Variants in RHOBTB3 observed in about 807,000 individuals in gnomAD.
RHOBTB3 encodes Rho related BTB domain containing 3, also known as rho-related BTB domain-containing protein 3.
RHOBTB3 carries 47 observed loss-of-function variants against 67.2 expected under a neutral mutation model. That is an observed-to-expected ratio of 0.70 (90% CI 0.55 to 0.89). The LOEUF is 0.89. Among genes scored for constraint, RHOBTB3 ranks in the 40% least tolerant of loss-of-function variants. The pLI, the probability that RHOBTB3 is intolerant of heterozygous loss-of-function variation, is 0.00. For synonymous variants in RHOBTB3, 273 were observed against 274.2 expected, an observed-to-expected ratio of 1.00 and a Z score of 0.04; for missense variants, 631 against 750.0, an observed-to-expected ratio of 0.84 and a Z score of 1.85.
chr5:95,718,292 A>AGGGGAAGT (rs1754745670), intron 1 of RHOBTB3, among the ~76,000 whole-genome samples: 1 of 152,206 alleles, frequency 6.6e-6, no homozygotes, highest in African/African-American at 2.4e-5. Context: ...GGGAGAAGAA[A>AGGGGAAGT]GGGGAAGTAG....
rs531426827 is a variant in RHOBTB3, at chr5:95,735,301, A to G, written c.229-1588A>G. Among the ~76,000 whole-genome samples, 5 of 149,146 alleles carry G rather than the reference A, an allele frequency of 3.4e-5. No homozygotes were observed. The South Asian group carries it at 8.5e-4, about 25-fold the overall frequency. On this transcript the variant is annotated intron_variant, in intron 2 of 11. Coordinates refer to ENST00000379982, the MANE Select transcript of RHOBTB3 (RefSeq NM_014899.4). ...GGTTCTTTTACCTCCCTTCAAAAAT[A>G]CTGTACACATCCCAGTTTTGATAGG...
chr5:95,742,440 G>A (rs944382476), intron 3 of RHOBTB3, among the ~76,000 whole-genome samples: 4 of 152,062 alleles, frequency 2.6e-5, no homozygotes, highest in Non-Finnish European at 5.9e-5. Context: ...TCTTTCTTTA[G>A]GTCTAGGAAA....
At chr5:95,763,337 C>T (rs546944928) in intron 6 of RHOBTB3, among the ~76,000 whole-genome samples, 171 bp from the exon 7 acceptor site, 185 of 152,056 alleles carry the variant, frequency 1.2e-3, no homozygotes, top group African/African-American at 4.3e-3. Context: ...TTAAACTGAT[C>T]GTTTTGAAAT....
At chr5:95,761,070 T>G (rs1012949461) in intron 6 of RHOBTB3, among the ~76,000 whole-genome samples, 2 of 152,236 alleles carry the variant, frequency 1.3e-5, no homozygotes, top group African/African-American at 4.8e-5. Flanking sequence ...CTGCTACTGA[T>G]TCCATCTATT....
chr5:95,752,583 C>T (rs1475005871), intron 5 of RHOBTB3, among the ~76,000 whole-genome samples: 1 of 152,132 alleles, frequency 6.6e-6, no homozygotes, highest in Non-Finnish European at 1.5e-5. Flanking sequence ...AAAATTGAGC[C>T]TATAGATCCT....
At chr5:95,752,416 T>C in intron 5 of RHOBTB3, 66 bp downstream of exon 5, 1 of 1,041,826 alleles carries the variant, frequency 9.6e-7, no homozygotes, top group South Asian at 1.4e-5. Context: ...CTCACAGGTC[T>C]TAGAGCAATT....
intron 8 of RHOBTB3, chr5:95,770,533 T>C: frequency 2.7e-6 from 1 of 372,886 alleles, no homozygotes; most frequent in Non-Finnish European, 5.4e-6. Flanking sequence ...TTGGGGGTTT[T>C]GTGAATATGG....
chr5:95,793,348 G>A lies in RHOBTB3; in HGVS notation c.*174G>A. Reference sequence around the variant, plus strand: ...AAAAACTACCACTGTGGTCTTAAAAGGGAACAAAATATACCATAGGCTAAA... The same window carrying A: ...AAAAACTACCACTGTGGTCTTAAAAAGGAACAAAATATACCATAGGCTAAA... On this transcript the variant is annotated 3_prime_UTR_variant, in exon 12 of 12. Transcript: ENST00000379982. 4.1e-6 allele frequency: 2 copies of A among 487,232 alleles called. No homozygotes were observed. The highest frequency in any genetic ancestry group is 3.9e-5 in the Admixed American group (1 of 25,606). The allele number at this position is 487,232 out of a possible 1,614,324, so 30.2% of individuals were successfully genotyped here.
At chr5:95,731,753 T>C in intron 1 of RHOBTB3, 69 bp downstream of exon 1, 2 of 1,606,946 alleles carry the variant, frequency 1.2e-6, no homozygotes, top group Admixed American at 3.4e-5. Context: ...GGACAGGGGC[T>C]GGTGCCCATC....
rs186508280 is a variant in RHOBTB3, at chr5:95,793,257, C to T, written c.*83C>T. On this transcript the variant is annotated 3_prime_UTR_variant, in exon 12 of 12. Coordinates refer to ENST00000379982, the MANE Select transcript of RHOBTB3 (RefSeq NM_014899.4). Reference sequence around the variant, plus strand: ...CAGGTTCCAGTAAAATTCTTCTGACCGAAACCAATGTGGGTGTTAGAAAAA... The same window carrying T: ...CAGGTTCCAGTAAAATTCTTCTGACTGAAACCAATGTGGGTGTTAGAAAAA... 3.2e-5 allele frequency: 28 copies of T among 865,566 alleles called. No homozygotes were observed. The highest frequency in any genetic ancestry group is 1.2e-4 in the African/African-American group (7 of 57,344). The allele number at this position is 865,566 out of a possible 1,614,324, so 53.6% of individuals were successfully genotyped here. A position where few individuals can be genotyped will look rare whatever the true frequency, so the allele number is the denominator to read the frequency against.
intron 1 of RHOBTB3, among the ~76,000 whole-genome samples, chr5:95,721,693 T>TAAAAAA (rs58596325): frequency 7.6e-6 from 1 of 132,202 alleles, no homozygotes; most frequent in Non-Finnish European, 1.6e-5. Flanking sequence ...CTGAGAGCAT[T>TAAAAAA]AAAAAAAAAA....
chr5:95,758,631 T>TCTGG (rs1745313818), intron 6 of RHOBTB3, among the ~76,000 whole-genome samples: 1 of 152,228 alleles, frequency 6.6e-6, no homozygotes, highest in Admixed American at 6.5e-5. Context: ...GTCCCATTAC[T>TCTGG]CTGGCGATCA....
chr5:95,792,399 AAAAGAAAAG>A (rs780313119), intron 11 of RHOBTB3, among the ~76,000 whole-genome samples: 39 of 52,936 alleles, frequency 7.4e-4, no homozygotes, highest in Middle Eastern at 9.8e-3. Flanking sequence ...AAAAAAAAAA[AAAAGAAAAG>A]AAAAGAAAAG....
Position 95,749,486 on chromosome 5 carries a change from C to T in RHOBTB3, c.570+999C>T, listed in dbSNP as rs143250224. The stretch of plus-strand genomic sequence containing the variant: ...ATAATATAAAGAAACATTAATATTA[C>T]AATGTTAAAGAAGATATACTCACAA... On this transcript the variant is annotated intron_variant, in intron 4 of 11. Coordinates refer to ENST00000379982, the MANE Select transcript of RHOBTB3 (RefSeq NM_014899.4). 1.2e-4 allele frequency among the ~76,000 whole-genome samples: 18 copies of T among 152,180 alleles called. No homozygotes were observed. The East Asian group carries it at 3.3e-3, about 28-fold the overall frequency.
At chr5:95,749,069 A>C (rs995678270) in intron 4 of RHOBTB3, among the ~76,000 whole-genome samples, 1 of 152,238 alleles carries the variant, frequency 6.6e-6, no homozygotes, top group African/African-American at 2.4e-5. Flanking sequence ...TGATGTTAAC[A>C]CATAGCACCT....
At chr5:95,763,665 T>A in intron 7 of RHOBTB3, 45 bp downstream of exon 7, 1 of 1,061,236 alleles carries the variant, frequency 9.4e-7, no homozygotes, top group Non-Finnish European at 1.5e-6. Context: ...CCCTCTGAAT[T>A]ATAACTCACA....
rs1403169469 is a variant in RHOBTB3, at chr5:95,793,107, A to G, written c.1769A>G (p.Tyr590Cys). 1.1e-5 allele frequency: 17 copies of G among 1,613,772 alleles called. No homozygotes were observed. Among genetic ancestry groups the G allele is most frequent in the Non-Finnish European group, 1.4e-5 (17 of 1,179,878 alleles). The change falls in exon 12 of 12, where the codon TAC (tyrosine) becomes TGC (cysteine). Residue 590 changes from tyrosine to cysteine, a missense_variant. By Grantham distance (194) the Tyr-to-Cys change is radical. Transcript: ENST00000379982. ...VEKHRWPSNM[Y>C]LKQLAEYRKY... ...AAGCACAGATGGCCGTCGAATATGTACTTGAAGCAGCTTGCGGAATACAGG... is the reference window on the plus strand; with the variant it reads ...AAGCACAGATGGCCGTCGAATATGTGCTTGAAGCAGCTTGCGGAATACAGG...
rs1228356153 is a variant in RHOBTB3, at chr5:95,731,693, G to C, written c.2+9G>C. ...CTTGGATTTGAGATCATGTACGTACGCGCCGCCGTCCTGCCATTGTCTCTC... is the reference window on the plus strand; with the variant it reads ...CTTGGATTTGAGATCATGTACGTACCCGCCGCCGTCCTGCCATTGTCTCTC... On this transcript the variant is annotated intron_variant, in intron 1 of 11. Coordinates refer to ENST00000379982, the MANE Select transcript of RHOBTB3 (RefSeq NM_014899.4). The C allele has an allele frequency of 3.1e-6, 5 of 1,613,182 alleles. No homozygotes were observed. The South Asian group carries it at 3.3e-5, about 11-fold the overall frequency.
In RHOBTB3 at chr5:95,783,938, T is replaced by G; in HGVS notation, c.1598T>G (p.Ile533Arg). 1 of 1,613,110 alleles carries G rather than the reference T, an allele frequency of 6.2e-7. No individual in the cohort carries two copies. Among genetic ancestry groups the G allele is most frequent in the Non-Finnish European group, 8.5e-7 (1 of 1,179,340 alleles). Residue 533 changes from isoleucine (I) to arginine (R), a missense_variant, in exon 10 of 12, where the codon ATA (isoleucine) becomes AGA (arginine). Coordinates refer to ENST00000379982, the MANE Select transcript of RHOBTB3 (RefSeq NM_014899.4). Reference sequence around the variant, plus strand: ...GAACTGGCATCCATGAACCTTGATATAGTTGACCTGCTTAAAAAGGCCAAG... The same window carrying G: ...GAACTGGCATCCATGAACCTTGATAGAGTTGACCTGCTTAAAAAGGCCAAG... ...SRELASMNLD[I>R]VDLLKKAKFH... is the part of the protein sequence containing the mutation.
Sources: allele counts gnomAD v4.1 joint callset (sites outside exome capture counted in the v4.1 genomes callset), GRCh38; gene constraint gnomAD v4.1.1; transcripts MANE v1.5; gene names NCBI Gene and HGNC (gene_info 2026-07-23, HGNC 2026-07-21).